MBTPS1: variants seen among roughly 807,000 people sequenced by gnomAD.
The protein encoded by MBTPS1 is membrane-bound transcription factor site-1 protease.
A neutral mutation model predicts 127.8 loss-of-function variants in MBTPS1; 94 were observed. The ratio of observed to expected loss-of-function variants is 0.74; its 90% CI spans 0.62 to 0.87. The LOEUF is 0.87. Among genes scored for constraint, MBTPS1 ranks in the 40% least tolerant of loss-of-function variants. The probability of loss-of-function intolerance (pLI) is 0.00; values close to 1 mark genes in which losing one functional copy is unlikely to be tolerated. For synonymous variants in MBTPS1, 632 were observed against 509.4 expected, an observed-to-expected ratio of 1.24 and a Z score of -3.24; for missense variants, 1,636 against 1,353.2, an observed-to-expected ratio of 1.21 and a Z score of -3.28.
intron 1 of MBTPS1, among the ~76,000 whole-genome samples, chr16:84,113,955 CT>C (rs57658435): frequency 0.069 from 9,409 of 137,006 alleles, 147 homozygotes; most frequent in South Asian, 0.17. Flanking sequence ...GGTGTCTTCC[CT>C]TTTTTTTTTT....
chr16:84,066,535 G>A lies in MBTPS1; in HGVS notation c.2307C>T (p.Phe769=), dbSNP rs1490143851. Residue 769 remains phenylalanine, a synonymous_variant, in exon 17 of 23, where the codon TTC becomes TTT. Coordinates refer to ENST00000343411, the MANE Select transcript of MBTPS1 (RefSeq NM_003791.4). The stretch of plus-strand genomic sequence containing the variant: ...ACTCCCCTTCATACAGGCCATCGCT[G>A]AACCCCATGTTCCACACAGACAGCA... ...NELLSVWNMG[F]SDGLYEGEFT... The A allele has an allele frequency of 1.9e-6, 3 of 1,614,168 alleles. No homozygotes were observed. Among genetic ancestry groups the A allele is most frequent in the Non-Finnish European group, 2.5e-6 (3 of 1,180,026 alleles).
At chr16:84,097,239 C>T (rs1357901354) in intron 3 of MBTPS1, among the ~76,000 whole-genome samples, 1 of 152,186 alleles carries the variant, frequency 6.6e-6, no homozygotes, top group African/African-American at 2.4e-5. Context: ...AAAGCAAAAC[C>T]TTCTACGAGT....
chr16:84,094,085 C>A (rs2086147464), intron 4 of MBTPS1, among the ~76,000 whole-genome samples: 1 of 152,084 alleles, frequency 6.6e-6, no homozygotes, highest in African/African-American at 2.4e-5. Context: ...CTAGACCCTC[C>A]TCAATTGCCA....
rs377660457 is a variant in MBTPS1 at position 84,070,582 on chromosome 16, C to G, written c.1782+6G>C. ...GAAAACAAGCCACTTTCCCGCATAT[C>G]CCTACCTCTGTCTCTGCTGGGGAAG... On this transcript the variant is annotated splice_donor_region_variant and intron_variant, in intron 13 of 22. Transcript: ENST00000343411. 73 of 1,611,346 alleles carry G rather than the reference C, an allele frequency of 4.5e-5. No individual in the cohort carries two copies. In the African/African-American group the frequency reaches 4.9e-4, roughly 11 times the overall value.
chr16:84,065,636 G>T (rs2085670295), intron 18 of MBTPS1, 54 bp downstream of exon 18: 3 of 1,157,834 alleles, frequency 2.6e-6, no homozygotes, highest in Non-Finnish European at 3.9e-6. Context: ...AGAAGCGGGG[G>T]AAAAGGGAGC....
At chr16:84,082,984 G>A (rs1420685518) in intron 10 of MBTPS1, among the ~76,000 whole-genome samples, 1 of 152,204 alleles carries the variant, frequency 6.6e-6, no homozygotes, top group Non-Finnish European at 1.5e-5. Flanking sequence ...GGGAGATGAG[G>A]AGACTGAAAG....
chr16:84,063,375 TG>T lies in MBTPS1; in HGVS notation c.2501del (p.Pro834GlnfsTer41). 6.2e-7 allele frequency: 1 copy of T among 1,614,150 alleles called. No homozygotes were observed. Among genetic ancestry groups the T allele is most frequent in the Non-Finnish European group, 8.5e-7 (1 of 1,179,978 alleles). The part of the protein sequence containing the change: ...NVPILGLYQI[P>X]AEGGGRIVLY... ...GTACAATCCGGCCTCCACCCTCAGC[TG>T]GAATCTGATAAAGTCCCAAAATGGG... On this transcript the variant is annotated frameshift_variant, in exon 19 of 23. Coordinates refer to ENST00000343411, the MANE Select transcript of MBTPS1 (RefSeq NM_003791.4). LOFTEE classifies it high-confidence loss of function.
intron 21 of MBTPS1, 74 bp from the exon 22 acceptor site, chr16:84,056,209 A>G (rs1567468559): frequency 7.7e-7 from 1 of 1,300,302 alleles, no homozygotes; most frequent in Admixed American, 1.9e-5. Flanking sequence ...AGGAAGTTCA[A>G]CTGAAACTCA....
intron 9 of MBTPS1, among the ~76,000 whole-genome samples, chr16:84,085,638 C>T (rs2086011570): frequency 7.6e-6 from 1 of 130,898 alleles, no homozygotes; most frequent in Non-Finnish European, 1.6e-5. Flanking sequence ...TAAGCTTAAA[C>T]GATAATGTAG....
rs1567475452 is a variant in MBTPS1 at position 84,065,901 on chromosome 16, AGCT to A, written c.2354-137_2354-135del. 1.7e-4 allele frequency: 89 copies of A among 535,036 alleles called. 2 individuals are homozygous for A. In the South Asian group the frequency reaches 2.4e-3, roughly 14 times the overall value. The allele number at this position is 535,036 out of a possible 1,614,324, so 33.1% of individuals were successfully genotyped here. On this transcript the variant is annotated intron_variant, in intron 17 of 22. Coordinates refer to ENST00000343411, the MANE Select transcript of MBTPS1 (RefSeq NM_003791.4). ...TAATTGTTTTTAATCTTGAGGGAGGAGCTGCTATTGCCTTGTCACACATAAAGT... is the reference window on the plus strand; with the variant it reads ...TAATTGTTTTTAATCTTGAGGGAGGAGCTATTGCCTTGTCACACATAAAGT...
chr16:84,095,636 C>G lies in MBTPS1; in HGVS notation c.591G>C (p.Leu197=). 6.2e-7 allele frequency: 1 copy of G among 1,614,226 alleles called. No individual in the cohort carries two copies. Among genetic ancestry groups the G allele is most frequent in the Non-Finnish European group, 8.5e-7 (1 of 1,180,024 alleles). The change falls in exon 4 of 23, where the codon CTG becomes CTC. Residue 197 remains leucine, a synonymous_variant. Coordinates refer to ENST00000343411, the MANE Select transcript of MBTPS1 (RefSeq NM_003791.4). ...RAIPRQVAQT[L]QADVLWQMGY... is the part of the protein sequence containing the mutation. ...CCATCTGCCAGAGCACATCTGCCTG[C>G]AGTGTCTGGGCAACCTGGCGCGGGA...
chr16:84,113,475 T>C (rs531804232), intron 1 of MBTPS1, among the ~76,000 whole-genome samples: 1 of 152,308 alleles, frequency 6.6e-6, no homozygotes, highest in East Asian at 1.9e-4. Flanking sequence ...TAGAAAATAG[T>C]ATTTAATGGG....
At chr16:84,084,923 T>G in intron 10 of MBTPS1, 60 bp downstream of exon 10, 2 of 1,565,972 alleles carry the variant, frequency 1.3e-6, no homozygotes, top group South Asian at 2.3e-5. Context: ...CCTGCTCTGC[T>G]GGCACCGAGT....
chr16:84,107,274 C>G (rs74032828), intron 1 of MBTPS1, among the ~76,000 whole-genome samples: 2 of 152,140 alleles, frequency 1.3e-5, no homozygotes, highest in Non-Finnish European at 2.9e-5. Flanking sequence ...TGAGCCTGGC[C>G]GCCAGACTGT....
intron 11 of MBTPS1, 54 bp downstream of exon 11, chr16:84,081,693 C>G (rs188342393): frequency 7.8e-7 from 1 of 1,277,430 alleles, no homozygotes; most frequent in Admixed American, 3.1e-5. Flanking sequence ...AGGGAAAATT[C>G]GCCCAGAGCC....
intron 1 of MBTPS1, among the ~76,000 whole-genome samples, chr16:84,103,151 T>G (rs976731945): frequency 3.9e-5 from 6 of 152,132 alleles, no homozygotes; most frequent in African/African-American, 1.4e-4. Context: ...AGAAAAACAG[T>G]TGCACAGACC....
intron 18 of MBTPS1, 28 bp downstream of exon 18, chr16:84,065,662 C>G (rs780207982): frequency 1.3e-6 from 2 of 1,507,320 alleles, no homozygotes; most frequent in Non-Finnish European, 1.8e-6. Context: ...AAAGAAGAAG[C>G]AAAAGGCCCA....
intron 11 of MBTPS1, among the ~76,000 whole-genome samples, chr16:84,080,921 A>G (rs546885574): frequency 1.3e-5 from 2 of 152,306 alleles, no homozygotes; most frequent in African/African-American, 4.8e-5. Flanking sequence ...ACATTAATCA[A>G]ATGATGAAAA....
chr16:84,079,843 T>A (rs6563997), intron 11 of MBTPS1, among the ~76,000 whole-genome samples: 1 of 151,942 alleles, frequency 6.6e-6, no homozygotes, highest in African/African-American at 2.4e-5. Context: ...ACAGAAGCAG[T>A]CGTATGTGTC....
Sources: allele counts gnomAD v4.1 joint callset (sites outside exome capture counted in the v4.1 genomes callset), GRCh38; gene constraint gnomAD v4.1.1; transcripts MANE v1.5; gene names NCBI Gene and HGNC (gene_info 2026-07-23, HGNC 2026-07-21).